Variants in ARHGAP21 observed in about 807,000 individuals in gnomAD.
The protein encoded by ARHGAP21 is Rho GTPase activating protein 21, also known as rho GTPase-activating protein 21.
ARHGAP21 carries 38 observed loss-of-function variants against 164.6 expected under a neutral mutation model. That is an observed-to-expected ratio of 0.23 (90% CI 0.18 to 0.30). The LOEUF (loss-of-function observed/expected upper bound fraction) is 0.30. Among genes scored for constraint, ARHGAP21 ranks in the 10% least tolerant of loss-of-function variants. ARHGAP21 has a pLI of 1.00. For synonymous variants in ARHGAP21, 766 were observed against 857.9 expected (o/e 0.89, Z 1.87); for missense variants, 1,822 against 2,370.7 (o/e 0.77, Z 4.81).
intron 2 of ARHGAP21, among the ~76,000 whole-genome samples, chr10:24,671,889 T>TA (rs1311069410): frequency 1.5e-5 from 2 of 131,578 alleles, no homozygotes; most frequent in African/African-American, 5.7e-5. Flanking sequence ...AGCTAATTTT[T>TA]TTTTTTTTTT....
At chr10:24,686,606 A>G (rs1842235427) in intron 2 of ARHGAP21, among the ~76,000 whole-genome samples, 4 of 152,298 alleles carry the variant, frequency 2.6e-5, no homozygotes, top group Admixed American at 2.6e-4. Flanking sequence ...GCAAAAATAT[A>G]AAACTCCCCA....
chr10:24,585,478 A>C lies in ARHGAP21; in HGVS notation c.4811T>G (p.Leu1604Arg). The C allele has an allele frequency of 6.2e-7, 1 of 1,614,138 alleles. No homozygotes were observed. Among genetic ancestry groups the C allele is most frequent in the South Asian group, 1.1e-5 (1 of 91,082 alleles). ...TYLTSLDSSR[L>R]SPEVQSVAES... Reference sequence around the variant, plus strand: ...TGCCACGGATTGCACCTCAGGGCTCAGTCGACTGGAGTCCAGGCTAGTCAA... The same window carrying C: ...TGCCACGGATTGCACCTCAGGGCTCCGTCGACTGGAGTCCAGGCTAGTCAA... Residue 1604 changes from leucine to arginine, a missense_variant, in exon 26 of 26, where the codon CTG (leucine) becomes CGG (arginine). By Grantham distance (102) the Leu-to-Arg change is moderately radical. Coordinates refer to ENST00000396432, the MANE Select transcript of ARHGAP21 (RefSeq NM_020824.4).
At chr10:24,640,448 T>A (rs1836886769) in intron 4 of ARHGAP21, among the ~76,000 whole-genome samples, 2 of 152,070 alleles carry the variant, frequency 1.3e-5, no homozygotes, top group African/African-American at 4.8e-5. Flanking sequence ...AAAATGGTAT[T>A]TTTTCCATTG....
chr10:24,719,130 C>CACACACA (rs1565215396), intron 2 of ARHGAP21, among the ~76,000 whole-genome samples: 1 of 148,004 alleles, frequency 6.8e-6, no homozygotes, highest in Non-Finnish European at 1.5e-5. Context: ...CACACACACA[C>CACACACA]CCCAAAAATC....
At position 24,600,132 on chromosome 10, in the gene ARHGAP21, CAA is replaced by C. The variant is rs56180973; in HGVS notation, c.3132+512_3132+513del. On this transcript the variant is annotated intron_variant, in intron 14 of 25. Coordinates refer to ENST00000396432, the MANE Select transcript of ARHGAP21 (RefSeq NM_020824.4). ...TGGGCAACAGAGCAGGACTTCGTTT[CAA>C]AAAAAAAAAAAAAAAAGCTGACTTA... Among the ~76,000 whole-genome samples, 15 of 94,820 alleles carry C rather than the reference CAA, an allele frequency of 1.6e-4. 1 individual carries two copies. Among genetic ancestry groups the C allele is most frequent in the Non-Finnish European group, 2.0e-4 (10 of 49,894 alleles). The allele number at this position is 94,820 out of a possible 152,430, so 62.2% of individuals were successfully genotyped here.
At chr10:24,614,324 C>T (rs535502403) in intron 9 of ARHGAP21, among the ~76,000 whole-genome samples, 3 of 152,236 alleles carry the variant, frequency 2.0e-5, no homozygotes, top group South Asian at 4.1e-4. Context: ...TACGAATCCA[C>T]TAAAGGGGTG....
intron 4 of ARHGAP21, among the ~76,000 whole-genome samples, chr10:24,648,639 G>T (rs563632074): frequency 6.6e-6 from 1 of 152,104 alleles, no homozygotes; most frequent in African/African-American, 2.4e-5. Context: ...AATTAGCCAG[G>T]CGTGGTGGTA....
chr10:24,654,182 C>T (rs1838534910), intron 4 of ARHGAP21, among the ~76,000 whole-genome samples: 1 of 152,114 alleles, frequency 6.6e-6, no homozygotes, highest in Non-Finnish European at 1.5e-5. Context: ...ACTGAATGGG[C>T]AAAAACTGAA....
chr10:24,688,121 T>C (rs906132837), intron 2 of ARHGAP21, among the ~76,000 whole-genome samples: 1 of 152,150 alleles, frequency 6.6e-6, no homozygotes, highest in Non-Finnish European at 1.5e-5. Context: ...CCAGGTGGAG[T>C]GGCTCATGCC....
chr10:24,619,419 G>C, intron 9 of ARHGAP21, 54 bp downstream of exon 9: 2 of 1,500,874 alleles, frequency 1.3e-6, no homozygotes, highest in Non-Finnish European at 1.8e-6. Context: ...ATACTTTTCT[G>C]GAAAGATTTC....
intron 2 of ARHGAP21, among the ~76,000 whole-genome samples, chr10:24,681,750 T>A (rs780450507): frequency 2.6e-5 from 4 of 152,178 alleles, no homozygotes; most frequent in Non-Finnish European, 4.4e-5. Flanking sequence ...CTTTTTAGGA[T>A]GTCATTAGCT....
chr10:24,592,382 G>A (rs1396573826), intron 21 of ARHGAP21, among the ~76,000 whole-genome samples: 1 of 151,968 alleles, frequency 6.6e-6, no homozygotes, highest in African/African-American at 2.4e-5. Flanking sequence ...CGTTTTTTCT[G>A]CATTAATGAT....
chr10:24,587,523 G>C (rs1405805084), intron 25 of ARHGAP21, among the ~76,000 whole-genome samples: 1 of 152,166 alleles, frequency 6.6e-6, no homozygotes, highest in Non-Finnish European at 1.5e-5. Context: ...TCGCTAAGAT[G>C]AAATCACAGA....
chr10:24,661,492 A>G (rs745913756), intron 4 of ARHGAP21, among the ~76,000 whole-genome samples: 14 of 152,336 alleles, frequency 9.2e-5, no homozygotes, highest in Middle Eastern at 6.8e-3. Flanking sequence ...TAAACTGCCA[A>G]AAGGAAAGAA....
chr10:24,622,735 G>A lies in ARHGAP21; in HGVS notation c.523C>T (p.Leu175=). The part of the protein sequence containing the change: ...VLQFTKDVTA[L]AYSQDAYLKG... ...AATGGCTACTGTGCATTTCTTACCA[G>A]TGCTGTGACATCCTTTGTAAACTGT... Residue 175 remains leucine, a splice_region_variant and synonymous_variant, in exon 8 of 26, where the codon CTG becomes TTG. Coordinates refer to ENST00000396432, the MANE Select transcript of ARHGAP21 (RefSeq NM_020824.4). 2 of 1,611,600 alleles carry A rather than the reference G, an allele frequency of 1.2e-6. No homozygotes were observed. The highest frequency in any genetic ancestry group is 1.7e-6 in the Non-Finnish European group (2 of 1,179,162).
intron 4 of ARHGAP21, chr10:24,640,428 C>G (rs1836884494): frequency 6.6e-6 from 1 of 151,846 alleles, no homozygotes; most frequent in African/African-American, 2.4e-5. Context: ...TTTTATGAGA[C>G]TTATTTCAAA....
intron 4 of ARHGAP21, among the ~76,000 whole-genome samples, chr10:24,647,280 T>C (rs1379023437): frequency 1.3e-5 from 2 of 152,244 alleles, no homozygotes; most frequent in Non-Finnish European, 2.9e-5. Context: ...AATATTTTTT[T>C]TAACCTTTCA....
chr10:24,632,836 G>A (rs1383357612), intron 6 of ARHGAP21, among the ~76,000 whole-genome samples: 1 of 152,168 alleles, frequency 6.6e-6, no homozygotes, highest in Non-Finnish European at 1.5e-5. Flanking sequence ...TTTTCTAGTT[G>A]TGTGGGTGAA....
At chr10:24,597,607 T>G (rs771046927) in intron 15 of ARHGAP21, 24 bp from the exon 16 acceptor site, 1 of 1,613,188 alleles carries the variant, frequency 6.2e-7, no homozygotes. Context: ...TGACATTTGT[T>G]AACAATTACA....
Sources: allele counts gnomAD v4.1 joint callset (sites outside exome capture counted in the v4.1 genomes callset), GRCh38; gene constraint gnomAD v4.1.1; transcripts MANE v1.5; gene names NCBI Gene and HGNC (gene_info 2026-07-23, HGNC 2026-07-21).